The following CADPS2 variants were observed in gnomAD, a reference collection of about 807,000 sequenced individuals.
CADPS2 encodes the protein calcium-dependent secretion activator 2.
CADPS2 carries 93 observed loss-of-function variants against 172.5 expected under a neutral mutation model. That is an observed-to-expected ratio of 0.54 (90% CI 0.46 to 0.64). The LOEUF (loss-of-function observed/expected upper bound fraction) is 0.64, where lower values mean the gene tolerates loss of function less well. Ranked by LOEUF, CADPS2 falls within the 30% of genes least tolerant of loss-of-function variation. The pLI, the probability that CADPS2 is intolerant of heterozygous loss-of-function variation, is 0.00. For synonymous variants in CADPS2, 546 were observed against 555.2 expected, an observed-to-expected ratio of 0.98 and a Z score of 0.23; for missense variants, 1,420 against 1,565.9, an observed-to-expected ratio of 0.91 and a Z score of 1.57.
rs544997125 is a variant in CADPS2 at position 122,593,961 on chromosome 7, T to C, written c.1224-12671A>G. ...TTTGTATATCATCTTTTAACCTTCCTTTAAAACATAATTTACAGTCTATAA... is the reference window on the plus strand; with the variant it reads ...TTTGTATATCATCTTTTAACCTTCCCTTAAAACATAATTTACAGTCTATAA... On this transcript the variant is annotated intron_variant, in intron 6 of 29. Transcript: ENST00000449022. 6.6e-5 allele frequency among the ~76,000 whole-genome samples: 10 copies of C among 152,208 alleles called. No individual in the cohort carries two copies. The East Asian group carries it at 1.9e-3, about 29-fold the overall frequency.
At chr7:122,362,863 G>T (rs979623947) in intron 25 of CADPS2, among the ~76,000 whole-genome samples, 61 of 152,206 alleles carry the variant, frequency 4.0e-4, no homozygotes, top group African/African-American at 1.4e-3. Flanking sequence ...AATAGTTTAT[G>T]CAAAAGAAAC....
At chr7:122,341,918 T>C (rs955471123) in intron 28 of CADPS2, among the ~76,000 whole-genome samples, 27 of 152,278 alleles carry the variant, frequency 1.8e-4, no homozygotes, top group African/African-American at 5.5e-4. Context: ...CCTGTTAACA[T>C]CATGGACCTG....
rs537526609 is a variant in CADPS2 at position 122,805,211 on chromosome 7, G to A, written c.340-68143C>T. Among the ~76,000 whole-genome samples the A allele has an allele frequency of 1.1e-4, 16 of 152,278 alleles. No homozygotes were observed. The South Asian group carries it at 3.1e-3, about 30-fold the overall frequency. On this transcript the variant is annotated intron_variant, in intron 1 of 29. Coordinates refer to ENST00000449022, the MANE Select transcript of CADPS2 (RefSeq NM_017954.11). Reference sequence around the variant, plus strand: ...ATTCTTGCTCTGTCGCCAGGCTGGAGTGCAGTGGCACTATCTCGGCTCACT... The same window carrying A: ...ATTCTTGCTCTGTCGCCAGGCTGGAATGCAGTGGCACTATCTCGGCTCACT...
intron 1 of CADPS2, among the ~76,000 whole-genome samples, chr7:122,876,084 G>A (rs1302648034): frequency 6.6e-6 from 1 of 152,194 alleles, no homozygotes; most frequent in Non-Finnish European, 1.5e-5. Flanking sequence ...ACTTTGGGAG[G>A]CTGAGGCGGG....
chr7:122,692,053 C>T (rs1053209955), intron 2 of CADPS2, among the ~76,000 whole-genome samples: 5 of 152,086 alleles, frequency 3.3e-5, no homozygotes, highest in East Asian at 1.9e-4. Flanking sequence ...CCAGGCATCT[C>T]GGCCAGTCTC....
chr7:122,675,201 A>T (rs1263370827), intron 2 of CADPS2, among the ~76,000 whole-genome samples: 1 of 152,196 alleles, frequency 6.6e-6, no homozygotes, highest in Non-Finnish European at 1.5e-5. Flanking sequence ...CATCTGTGGG[A>T]CCTGTCTGTG....
At chr7:122,721,857 T>C (rs1277937817) in intron 2 of CADPS2, among the ~76,000 whole-genome samples, 2 of 152,194 alleles carry the variant, frequency 1.3e-5, no homozygotes, top group Admixed American at 1.3e-4. Context: ...TCAAGTGGGC[T>C]TCATCCCTGG....
chr7:122,589,790 G>A (rs530353028), intron 6 of CADPS2, among the ~76,000 whole-genome samples: 1 of 151,878 alleles, frequency 6.6e-6, no homozygotes, highest in South Asian at 2.1e-4. Flanking sequence ...TATGAAGGGT[G>A]CCCACTAATA....
chr7:122,364,649 C>T (rs2040618407), intron 25 of CADPS2, among the ~76,000 whole-genome samples: 1 of 151,684 alleles, frequency 6.6e-6, no homozygotes, highest in Non-Finnish European at 1.5e-5. Flanking sequence ...ATGGTGTGAA[C>T]CCAGGAGGCG....
intron 25 of CADPS2, among the ~76,000 whole-genome samples, chr7:122,378,130 G>A (rs1209259671): frequency 1.3e-5 from 2 of 152,034 alleles, no homozygotes; most frequent in Non-Finnish European, 2.9e-5. Flanking sequence ...AATAGTCTTT[G>A]AAAGTATCAT....
intron 1 of CADPS2, among the ~76,000 whole-genome samples, chr7:122,757,502 G>T (rs1390412405): frequency 1.3e-5 from 2 of 151,944 alleles, no homozygotes; most frequent in Admixed American, 1.3e-4. Flanking sequence ...CCCAGGGATG[G>T]TAATGTTTCT....
rs367567195 is a variant in CADPS2, at chr7:122,422,383, T to C, written c.2477-6219A>G. 2.2e-4 allele frequency among the ~76,000 whole-genome samples: 33 copies of C among 152,270 alleles called. No homozygotes were observed. The Middle Eastern group carries it at 0.014, about 63-fold the overall frequency. On this transcript the variant is annotated intron_variant, in intron 17 of 29. Transcript: ENST00000449022. Reference sequence around the variant, plus strand: ...AGTAACAAGGACTGTCAGCCTACTCTTGTGGACTGCTTGCTGGCAAAACTT... The same window carrying C: ...AGTAACAAGGACTGTCAGCCTACTCCTGTGGACTGCTTGCTGGCAAAACTT...
intron 25 of CADPS2, among the ~76,000 whole-genome samples, chr7:122,367,587 C>A (rs1249000640): frequency 7.3e-6 from 1 of 137,388 alleles, no homozygotes; most frequent in Non-Finnish European, 1.5e-5. Context: ...CTTTGTCACC[C>A]AGGCTGGAGT....
chr7:122,616,684 T>G (rs538232782), intron 5 of CADPS2, among the ~76,000 whole-genome samples: 1 of 152,088 alleles, frequency 6.6e-6, no homozygotes, highest in Non-Finnish European at 1.5e-5. Context: ...GGAGAATTGA[T>G]AGAGAAAAGC....
chr7:122,760,015 C>T (rs942688324), intron 1 of CADPS2, among the ~76,000 whole-genome samples: 9 of 151,320 alleles, frequency 5.9e-5, no homozygotes, highest in African/African-American at 1.5e-4. Context: ...CACACACACA[C>T]GGCACAGCAC....
At chr7:122,691,507 C>T (rs10256337) in intron 2 of CADPS2, among the ~76,000 whole-genome samples, 8,031 of 152,276 alleles carry the variant, frequency 0.053, 269 homozygotes, top group African/African-American at 0.065. Flanking sequence ...GCCTGCTTGG[C>T]TGTGTAAGCC....
At chr7:122,652,776 A>G (rs1220503559) in intron 3 of CADPS2, among the ~76,000 whole-genome samples, 1 of 152,188 alleles carries the variant, frequency 6.6e-6, no homozygotes, top group African/African-American at 2.4e-5. Flanking sequence ...TTAGCACAAT[A>G]GCTAATCTAG....
At chr7:122,383,965 T>C (rs982063904) in intron 24 of CADPS2, among the ~76,000 whole-genome samples, 1 of 152,220 alleles carries the variant, frequency 6.6e-6, no homozygotes, top group Middle Eastern at 3.4e-3. Context: ...AATGGGACCA[T>C]GGAATGAAGT....
At chr7:122,332,779 A>C (rs2035201446) in intron 28 of CADPS2, among the ~76,000 whole-genome samples, 2 of 152,230 alleles carry the variant, frequency 1.3e-5, no homozygotes, top group African/African-American at 2.4e-5. Flanking sequence ...AGCTCTTTCC[A>C]GTTCACTACT....
Sources: gnomAD v4.1 joint callset for allele counts (sites outside exome capture counted in the v4.1 genomes callset) on GRCh38, gnomAD v4.1.1 for gene constraint, MANE v1.5 for transcripts, NCBI Gene and HGNC (gene_info 2026-07-23, HGNC 2026-07-21) for gene names.